TMEM178B: variants seen among roughly 807,000 people sequenced by gnomAD.
TMEM178B encodes the protein transmembrane protein 178B.
A neutral mutation model predicts 31.0 loss-of-function variants in TMEM178B; 5 were observed. That is an observed-to-expected ratio of 0.16 (90% CI 0.08 to 0.34). The LOEUF (loss-of-function observed/expected upper bound fraction) is 0.34, where lower values mean the gene tolerates loss of function less well. Ranked by LOEUF, TMEM178B falls within the 10% of genes least tolerant of loss-of-function variation. TMEM178B has a pLI of 1.00. For missense variants in TMEM178B, 275 were observed against 400.3 expected, an observed-to-expected ratio of 0.69 and a Z score of 2.67; for synonymous variants, 164 against 164.0, an observed-to-expected ratio of 1.00 and a Z score of 0.00.
intron 1 of TMEM178B, among the ~76,000 whole-genome samples, chr7:141,129,944 T>C (rs886320753): frequency 4.6e-5 from 7 of 152,178 alleles, no homozygotes; most frequent in African/African-American, 1.4e-4. Context: ...AAGGAAATGT[T>C]CAGATTAAGA....
intron 2 of TMEM178B, among the ~76,000 whole-genome samples, chr7:141,347,158 T>C (rs926195320): frequency 1.1e-4 from 16 of 152,310 alleles, no homozygotes; most frequent in African/African-American, 3.9e-4. Flanking sequence ...GACAACTCTT[T>C]TCTTCATAAA....
rs569839159 is a variant in TMEM178B at position 141,278,482 on chromosome 7, C to G, written c.496+65778C>G. ...CCTGTAATCCCAGCTACTTGGGAGG[C>G]TGAGGCAGGAGAATTGCTTGAACTC... On this transcript the variant is annotated intron_variant, in intron 2 of 3. Transcript: ENST00000565468. 8.5e-5 allele frequency among the ~76,000 whole-genome samples: 13 copies of G among 152,160 alleles called. No homozygotes were observed. In the South Asian group the frequency reaches 2.7e-3, roughly 32 times the overall value.
chr7:141,138,435 C>G (rs1295335603), intron 1 of TMEM178B, among the ~76,000 whole-genome samples: 3 of 151,904 alleles, frequency 2.0e-5, no homozygotes, highest in Admixed American at 6.6e-5. Context: ...ATTGCCAGTT[C>G]CTTTGTAAGG....
chr7:141,190,282 T>A (rs188228107), intron 1 of TMEM178B, among the ~76,000 whole-genome samples: 5 of 152,306 alleles, frequency 3.3e-5, no homozygotes, highest in African/African-American at 1.2e-4. Context: ...AAGGCCTATT[T>A]TATAACAAAG....
At chr7:141,410,674 T>C (rs908113201) in intron 2 of TMEM178B, among the ~76,000 whole-genome samples, 9 of 152,024 alleles carry the variant, frequency 5.9e-5, no homozygotes, top group African/African-American at 2.2e-4. Context: ...ACTTATAAAG[T>C]CCTCAGCGGA....
intron 2 of TMEM178B, among the ~76,000 whole-genome samples, chr7:141,375,599 C>T (rs939726937): frequency 9.2e-5 from 14 of 152,270 alleles, no homozygotes; most frequent in Admixed American, 4.6e-4. Flanking sequence ...TCCAGGGGTT[C>T]TTCCACCATT....
chr7:141,212,030 A>C (rs939615455), intron 1 of TMEM178B, among the ~76,000 whole-genome samples: 1 of 152,192 alleles, frequency 6.6e-6, no homozygotes, highest in Admixed American at 6.5e-5. Context: ...TGAGTCTGTT[A>C]ATAAATCAAA....
intron 2 of TMEM178B, among the ~76,000 whole-genome samples, chr7:141,436,240 CAA>C (rs976967629): frequency 2.0e-5 from 3 of 152,148 alleles, no homozygotes; most frequent in African/African-American, 7.2e-5. Flanking sequence ...AGGTATTCTC[CAA>C]AGAGACCTGT....
chr7:141,489,811 G>A, the TMEM178B span, among the ~76,000 whole-genome samples: 1 of 152,140 alleles, frequency 6.6e-6, no homozygotes, highest in East Asian at 1.9e-4. Flanking sequence ...GCATGCTTTC[G>A]TACAAAATAG....
chr7:141,358,227 A>G (rs1461928839), intron 2 of TMEM178B, among the ~76,000 whole-genome samples: 1 of 152,174 alleles, frequency 6.6e-6, no homozygotes, highest in African/African-American at 2.4e-5. Flanking sequence ...GATACTCAGT[A>G]TCTAATTTCA....
chr7:141,107,904 T>G (rs919101547), intron 1 of TMEM178B, among the ~76,000 whole-genome samples: 3 of 152,174 alleles, frequency 2.0e-5, no homozygotes, highest in Non-Finnish European at 2.9e-5. Flanking sequence ...AGAAAAGGAA[T>G]GGCAAATAAG....
intron 2 of TMEM178B, among the ~76,000 whole-genome samples, chr7:141,364,177 A>G (rs1398860100): frequency 6.6e-6 from 1 of 152,122 alleles, no homozygotes; most frequent in Non-Finnish European, 1.5e-5. Flanking sequence ...CACTTGTCCT[A>G]TGACTAACTC....
At chr7:141,100,397 C>G (rs1795035919) in intron 1 of TMEM178B, among the ~76,000 whole-genome samples, 1 of 152,046 alleles carries the variant, frequency 6.6e-6, no homozygotes, top group Admixed American at 6.6e-5. Flanking sequence ...AACACTCATA[C>G]ACATTTCTTT....
rs1425967276 is a variant in TMEM178B at position 141,471,186 on chromosome 7, G to T, written c.*400G>T. The T allele has an allele frequency of 6.6e-6, 1 of 152,094 alleles. No homozygotes were observed. The highest frequency in any genetic ancestry group is 6.5e-5 in the Admixed American group (1 of 15,268). 9.4% of individuals were successfully genotyped at this position (152,094 alleles called of 1,614,324 possible). ...CCACCCCTAACCAGTCATATCACAGGGTAACAAAGCCCTCAGTTCCTAGAA... is the reference window on the plus strand; with the variant it reads ...CCACCCCTAACCAGTCATATCACAGTGTAACAAAGCCCTCAGTTCCTAGAA... On this transcript the variant is annotated 3_prime_UTR_variant, in exon 4 of 4. Coordinates refer to ENST00000565468, the MANE Select transcript of TMEM178B (RefSeq NM_001195278.2). The surrounding 1 kb of genome is among the most constrained non-coding windows in gnomAD (Gnocchi z 4.1).
the TMEM178B span, among the ~76,000 whole-genome samples, chr7:141,496,052 T>C: frequency 3.3e-5 from 5 of 152,286 alleles, no homozygotes; most frequent in African/African-American, 1.2e-4. Flanking sequence ...TTCTCTGCAG[T>C]GCCCAGCACT....
chr7:141,084,337 G>T (rs1794742394), intron 1 of TMEM178B, among the ~76,000 whole-genome samples: 1 of 152,188 alleles, frequency 6.6e-6, no homozygotes, highest in Non-Finnish European at 1.5e-5. Context: ...TCATTGAATG[G>T]TGAAGAACAT....
chr7:141,368,121 C>A (rs1800044050), intron 2 of TMEM178B, among the ~76,000 whole-genome samples: 1 of 152,138 alleles, frequency 6.6e-6, no homozygotes, highest in South Asian at 2.1e-4. Context: ...GAGTTCAAGA[C>A]CAGCCTGGCC....
chr7:141,460,844 C>T (rs185260026), intron 3 of TMEM178B, among the ~76,000 whole-genome samples: 1 of 152,340 alleles, frequency 6.6e-6, no homozygotes, highest in African/African-American at 2.4e-5. Flanking sequence ...AGCCCCATCC[C>T]ACTCAGCATG....
At chr7:141,350,388 A>T (rs1799699700) in intron 2 of TMEM178B, among the ~76,000 whole-genome samples, 1 of 152,086 alleles carries the variant, frequency 6.6e-6, no homozygotes, top group African/African-American at 2.4e-5. Context: ...TTCCCCCACT[A>T]GAATGTAAGG....
Sources: gnomAD v4.1 joint callset for allele counts (sites outside exome capture counted in the v4.1 genomes callset) on GRCh38, gnomAD v4.1.1 for gene constraint, Gnocchi (gnomAD v3.1) non-coding constraint, MANE v1.5 for transcripts, NCBI Gene and HGNC (gene_info 2026-07-23, HGNC 2026-07-21) for gene names.